Variants in ACSL4 observed in about 807,000 individuals in gnomAD.
ACSL4 encodes the protein long-chain-fatty-acid--CoA ligase 4.
In ACSL4, 9 loss-of-function variants were observed where a neutral mutation model predicts 49.1. The observed-to-expected ratio is 0.18, with a 90% CI of 0.11 to 0.32. The LOEUF (loss-of-function observed/expected upper bound fraction) is 0.32. Ranked by LOEUF, ACSL4 falls within the 10% of genes least tolerant of loss-of-function variation. ACSL4 has a pLI of 1.00. For missense variants in ACSL4, 333 were observed against 493.7 expected (o/e 0.67, Z 3.08); for synonymous variants, 191 against 170.3 (o/e 1.12, Z -0.95).
chrX:109,729,948 T>C (rs1368869576), intron 1 of ACSL4, among the ~76,000 whole-genome samples: 1 of 111,759 alleles, frequency 8.9e-6, no homozygotes, highest in African/African-American at 3.3e-5. Flanking sequence ...TTGCCAGGAG[T>C]CAGGGATGAA....
chrX:109,644,500 T>TCA (rs1020923326), intron 15 of ACSL4, among the ~76,000 whole-genome samples: 5 of 111,225 alleles, frequency 4.5e-5, no homozygotes, highest in African/African-American at 6.5e-5. Context: ...TTATTTATAC[T>TCA]CACACACACA....
rs190670862 is a variant in ACSL4 at position 109,708,372 on chromosome X, G to A, written c.-65-12176C>T. 2.1e-3 allele frequency among the ~76,000 whole-genome samples: 231 copies of A among 112,331 alleles called. 1 individual carries two copies. The highest frequency in any genetic ancestry group is 7.1e-3 in the African/African-American group (219 of 30,945). On this transcript the variant is annotated intron_variant, in intron 1 of 15. Coordinates refer to ENST00000672401, the MANE Select transcript of ACSL4 (RefSeq NM_001318510.2). ...CACCAGCCTTTCAATTAATTCTAAT[G>A]TGTGTCTATGTATTGATAGTAACAA...
At chrX:109,730,728 G>A (rs142963207) in intron 1 of ACSL4, among the ~76,000 whole-genome samples, 1,297 of 112,364 alleles carry the variant, frequency 0.012, 14 homozygotes, top group Middle Eastern at 0.041. Context: ...GTGCGGTGGC[G>A]CGATCTCGGC....
Position 109,678,369 on chromosome X carries a change from A to G in ACSL4, c.702T>C (p.Val234=). The part of the protein sequence containing the change: ...SRPTPSDMAI[V]MYTSGSTGRP... ...GGCCAGTAGAACCACTAGTATACAT[A>G]ACAATGGCCATGTCTGAAGGCGTTG... The change falls in exon 7 of 16, where the codon GTT becomes GTC. Residue 234 remains valine, a synonymous_variant. Transcript: ENST00000672401. The G allele has an allele frequency of 8.3e-7, 1 of 1,212,012 alleles. No homozygotes were observed. Among genetic ancestry groups the G allele is most frequent in the Non-Finnish European group, 1.1e-6 (1 of 895,451 alleles).
intron 9 of ACSL4, among the ~76,000 whole-genome samples, chrX:109,672,246 C>T (rs1043574359): frequency 1.9e-5 from 2 of 106,770 alleles, no homozygotes; most frequent in Non-Finnish European, 3.9e-5. Context: ...ATCCTATATC[C>T]ATCCTTCTTA....
At chrX:109,713,162 G>T (rs1457677801) in intron 1 of ACSL4, among the ~76,000 whole-genome samples, 1 of 111,257 alleles carries the variant, frequency 9.0e-6, no homozygotes, top group Non-Finnish European at 1.9e-5. Context: ...TCAGCAGCTT[G>T]TCTATAACGT....
At chrX:109,673,573 T>G (rs1490922409) in intron 9 of ACSL4, among the ~76,000 whole-genome samples, 1 of 112,368 alleles carries the variant, frequency 8.9e-6, no homozygotes, top group Non-Finnish European at 1.9e-5. Context: ...TCTACTTCTT[T>G]GTTATTTGGT....
intron 2 of ACSL4, among the ~76,000 whole-genome samples, chrX:109,691,312 C>T: frequency 8.9e-6 from 1 of 112,156 alleles, no homozygotes; most frequent in East Asian, 2.8e-4. Flanking sequence ...AATAAAGAGA[C>T]AATTTGCCTT....
chrX:109,650,772 A>G (rs1164179377), intron 15 of ACSL4, among the ~76,000 whole-genome samples: 1 of 112,092 alleles, frequency 8.9e-6, no homozygotes, highest in Non-Finnish European at 1.9e-5. Flanking sequence ...ACCACCCAAC[A>G]TATTATATAT....
intron 6 of ACSL4, among the ~76,000 whole-genome samples, chrX:109,679,615 C>T (rs1924012267): frequency 8.9e-6 from 1 of 112,185 alleles, no homozygotes; most frequent in South Asian, 3.7e-4. Context: ...TAGCTAAATT[C>T]TTCTTAATCT....
Position 109,688,750 on chromosome X carries a change from C to G in ACSL4, c.-12-5375G>C, listed in dbSNP as rs1263197055. 2.7e-5 allele frequency among the ~76,000 whole-genome samples: 3 copies of G among 111,393 alleles called. No homozygotes were observed. The East Asian group carries it at 8.4e-4, about 31-fold the overall frequency. ...CAGCTGAGCCCTCTTCTGCTTTAAA[C>G]TTCTTCACTTAGCTTCCAGGAAACC... On this transcript the variant is annotated intron_variant, in intron 2 of 15. Transcript: ENST00000672401.
At chrX:109,712,112 T>C (rs919226263) in intron 1 of ACSL4, among the ~76,000 whole-genome samples, 1 of 111,597 alleles carries the variant, frequency 9.0e-6, no homozygotes, top group Non-Finnish European at 1.9e-5. Flanking sequence ...GTGGCATTTT[T>C]TTAAGAGATG....
intron 15 of ACSL4, among the ~76,000 whole-genome samples, chrX:109,646,503 A>C (rs1306370655): frequency 9.1e-6 from 1 of 109,502 alleles, no homozygotes; most frequent in African/African-American, 3.3e-5. Context: ...GCCTGCCCTA[A>C]AAGAGCTCCT....
chrX:109,696,342 G>A (rs1925444978), intron 1 of ACSL4, 146 bp from the exon 2 acceptor site: 1 of 112,440 alleles, frequency 8.9e-6, no homozygotes, highest in Non-Finnish European at 1.9e-5. Context: ...CTAGAGATGA[G>A]TGTCTGACTA....
At chrX:109,678,492 A>G (rs1012581774) in intron 6 of ACSL4, 77 bp from the exon 7 acceptor site, 3 of 1,111,629 alleles carry the variant, frequency 2.7e-6, no homozygotes, top group Admixed American at 2.2e-5. Flanking sequence ...GGATATTTAG[A>G]TTTTGCATAA....
At position 109,659,427 on chromosome X, in the gene ACSL4, A is replaced by G. The variant is rs749815932; in HGVS notation, c.1782T>C (p.Thr594=). 1 of 1,204,954 alleles carries G rather than the reference A, an allele frequency of 8.3e-7. No homozygotes were observed. Among genetic ancestry groups the G allele is most frequent in the Non-Finnish European group, 1.1e-6 (1 of 891,191 alleles). ...CAGGATTATTGCAGATATCAACCCA[A>G]GTTCCTTCTACCCCTTTCTGTTGTG... ...LLAQQKGVEG[T]WVDICNNPAM... The change falls in exon 15 of 16, where the codon ACT becomes ACC. Residue 594 remains threonine, a synonymous_variant. Transcript: ENST00000672401.
At chrX:109,669,704 A>G (rs766229687) in intron 9 of ACSL4, among the ~76,000 whole-genome samples, 2 of 112,406 alleles carry the variant, frequency 1.8e-5, no homozygotes, top group Non-Finnish European at 3.8e-5. Flanking sequence ...GTTAATCTAA[A>G]TTTTTAAGAA....
At chrX:109,668,934 T>A in intron 10 of ACSL4, 100 bp downstream of exon 10, 1 of 716,312 alleles carries the variant, frequency 1.4e-6, no homozygotes, top group Non-Finnish European at 2.1e-6. Flanking sequence ...GGTGGTGATA[T>A]TCAAATGAAT....
At chrX:109,732,883 C>A (rs1403500443) in intron 1 of ACSL4, 94 of 254,384 alleles carry the variant, frequency 3.7e-4, no homozygotes, top group South Asian at 3.3e-3. Flanking sequence ...AAGAGGCAGG[C>A]TGGGGTTCCG....
Sources: allele counts gnomAD v4.1 joint callset (sites outside exome capture counted in the v4.1 genomes callset), GRCh38; gene constraint gnomAD v4.1.1; transcripts MANE v1.5; gene names NCBI Gene and HGNC (gene_info 2026-07-23, HGNC 2026-07-21).